KCNC2: variants seen among roughly 807,000 people sequenced by gnomAD.
KCNC2 encodes the protein voltage-gated potassium channel KCNC2.
A neutral mutation model predicts 44.5 loss-of-function variants in KCNC2; 21 were observed. The observed-to-expected ratio is 0.47, with a 90% confidence interval of 0.33 to 0.68. The LOEUF (loss-of-function observed/expected upper bound fraction) is 0.68, where lower values mean the gene tolerates loss of function less well. KCNC2 is among the 30% of genes least tolerant of loss of function. The pLI is 0.01. For synonymous variants in KCNC2, 391 were observed against 339.1 expected, an observed-to-expected ratio of 1.15 and a Z score of -1.68; for missense variants, 589 against 826.2, an observed-to-expected ratio of 0.71 and a Z score of 3.52.
chr12:75,203,759 A>G (rs1447001804), intron 2 of KCNC2, among the ~76,000 whole-genome samples: 1 of 151,930 alleles, frequency 6.6e-6, no homozygotes, highest in Non-Finnish European at 1.5e-5. Flanking sequence ...ATAAGTGAAA[A>G]GAAGAGAAAG....
rs970796236 is a variant in KCNC2 at position 75,207,255 on chromosome 12, G to A, written c.687+42C>T. On this transcript the variant is annotated intron_variant, in intron 2 of 4. Transcript: ENST00000549446. This position sits in a 1 kb window ranked among gnomAD's most constrained non-coding sequence, Gnocchi z 4.1. The stretch of plus-strand genomic sequence containing the variant: ...AACAGAAAGTTGGGGAGGGAGTTGG[G>A]AGAAGTTGAAGCAGCAGGGAAGGGG... 46 of 1,508,894 alleles carry A rather than the reference G, an allele frequency of 3.0e-5. No homozygotes were observed. The highest frequency in any genetic ancestry group is 1.8e-4 in the Middle Eastern group (1 of 5,630). The allele number at this position is 1,508,894 out of a possible 1,614,324, so 93.5% of individuals were successfully genotyped here.
intron 2 of KCNC2, among the ~76,000 whole-genome samples, chr12:75,167,119 C>A (rs1161129998): frequency 2.0e-5 from 3 of 151,112 alleles, no homozygotes; most frequent in African/African-American, 7.3e-5. Flanking sequence ...CAACCTCAAA[C>A]AAACAAAAAG....
At chr12:75,186,053 A>AAATG (rs899757955) in intron 2 of KCNC2, among the ~76,000 whole-genome samples, 10 of 66,692 alleles carry the variant, frequency 1.5e-4, no homozygotes, top group South Asian at 5.6e-4. Flanking sequence ...TCTCAAAAAT[A>AAATG]AATAAATAAA....
intron 2 of KCNC2, among the ~76,000 whole-genome samples, chr12:75,154,902 A>G (rs559313484): frequency 6.6e-6 from 1 of 151,966 alleles, no homozygotes; most frequent in African/African-American, 2.4e-5. Context: ...ACATTTTTGG[A>G]CATTTTGAAA....
At chr12:75,208,062 A>T in intron 1 of KCNC2, 60 bp from the exon 2 acceptor site, 1 of 1,577,820 alleles carries the variant, frequency 6.3e-7, no homozygotes, top group South Asian at 1.1e-5. Context: ...ACACACCATG[A>T]CCCCCACCAC....
At chr12:75,204,124 G>T (rs1593093794) in intron 2 of KCNC2, among the ~76,000 whole-genome samples, 1 of 151,634 alleles carries the variant, frequency 6.6e-6, no homozygotes, top group African/African-American at 2.4e-5. Context: ...CTCCACAACA[G>T]GTTTCCATGA....
chr12:75,059,439 C>T (rs952265495), intron 2 of KCNC2, among the ~76,000 whole-genome samples: 16 of 152,094 alleles, frequency 1.1e-4, no homozygotes, highest in African/African-American at 3.6e-4. Context: ...TCTCTCAACT[C>T]ATTGAATGCA....
chr12:75,092,085 T>C (rs148618931), intron 2 of KCNC2, among the ~76,000 whole-genome samples: 1,961 of 151,702 alleles, frequency 0.013, 47 homozygotes, highest in African/African-American at 0.045. Context: ...AGATGCTTGA[T>C]TGAAATGCAG....
intron 2 of KCNC2, among the ~76,000 whole-genome samples, chr12:75,071,462 T>C (rs1329700348): frequency 1.3e-5 from 2 of 152,230 alleles, no homozygotes; most frequent in Admixed American, 1.3e-4. Context: ...AATGGTTGTG[T>C]ACAGCTTATA....
At chr12:75,150,359 C>G (rs768169543) in intron 2 of KCNC2, among the ~76,000 whole-genome samples, 36 of 151,930 alleles carry the variant, frequency 2.4e-4, no homozygotes, top group Non-Finnish European at 4.6e-4. Flanking sequence ...CACTACCATT[C>G]CTGTAGAAAG....
rs143649864 is a variant in KCNC2 at position 75,150,345 on chromosome 12, A to G, written c.687+56952T>C. Among the ~76,000 whole-genome samples the G allele has an allele frequency of 9.4e-3, 1,424 of 152,018 alleles. 26 individuals are homozygous for G. Among genetic ancestry groups the G allele is most frequent in the African/African-American group, 0.032 (1,337 of 41,558 alleles). ...GTAAGCTTATAGTTCTGTGAAATATATCACACTACCATTCCTGTAGAAAGT... is the reference window on the plus strand; with the variant it reads ...GTAAGCTTATAGTTCTGTGAAATATGTCACACTACCATTCCTGTAGAAAGT... On this transcript the variant is annotated intron_variant, in intron 2 of 4. Transcript: ENST00000549446.
At chr12:75,187,852 A>G (rs2029867791) in intron 2 of KCNC2, among the ~76,000 whole-genome samples, 1 of 152,224 alleles carries the variant, frequency 6.6e-6, no homozygotes, top group African/African-American at 2.4e-5. Flanking sequence ...ATTTCTATAC[A>G]GCACATAAGT....
chr12:75,203,672 A>G (rs1232419156), intron 2 of KCNC2, among the ~76,000 whole-genome samples: 1 of 151,938 alleles, frequency 6.6e-6, no homozygotes, highest in Non-Finnish European at 1.5e-5. Flanking sequence ...AATCAAAGAT[A>G]TGCATAAATC....
intron 2 of KCNC2, among the ~76,000 whole-genome samples, chr12:75,202,428 C>G (rs905581150): frequency 5.3e-5 from 8 of 151,622 alleles, no homozygotes; most frequent in African/African-American, 1.9e-4. Context: ...GCCTTTTGAC[C>G]CTGAAAAGGT....
rs201944231 is a variant in KCNC2, at chr12:75,048,304, G to A, written c.1629C>T (p.Asp543=). ...GTGGCGGCTCACTTCCTGTACTGTC[G>A]TCACCTGATAACACTGGTCACAGCA... ...LEHNRSVLSG[D]DSTGSEPPLS... The change falls in exon 4 of 5, where the codon GAC becomes GAT. Residue 543 remains aspartate (D), a synonymous_variant. Transcript: ENST00000549446. 191 of 1,611,164 alleles carry A rather than the reference G, an allele frequency of 1.2e-4. No individual in the cohort carries two copies. Among genetic ancestry groups the A allele is most frequent in the Middle Eastern group, 1.7e-4 (1 of 6,042 alleles).
intron 2 of KCNC2, among the ~76,000 whole-genome samples, chr12:75,186,326 G>A (rs960964056): frequency 6.6e-6 from 1 of 152,032 alleles, no homozygotes; most frequent in African/African-American, 2.4e-5. Context: ...GATTCATGGA[G>A]CATGCACAAA....
chr12:75,041,330 G>T lies in KCNC2; in HGVS notation c.*1775C>A, dbSNP rs768793447. On this transcript the variant is annotated 3_prime_UTR_variant, in exon 5 of 5. Coordinates refer to ENST00000549446, the MANE Select transcript of KCNC2 (RefSeq NM_139137.4). Reference sequence around the variant, plus strand: ...CACTGTGTCTCTAAATATCATATATGTATGTCTGGATAAATACATTGCTGT... The same window carrying T: ...CACTGTGTCTCTAAATATCATATATTTATGTCTGGATAAATACATTGCTGT... 19 of 1,486,952 alleles carry T rather than the reference G, an allele frequency of 1.3e-5. No individual in the cohort carries two copies. The highest frequency in any genetic ancestry group is 1.7e-5 in the Non-Finnish European group (19 of 1,120,578). The allele number at this position is 1,486,952 out of a possible 1,614,324, so 92.1% of individuals were successfully genotyped here. A position where few individuals can be genotyped will look rare whatever the true frequency, so the allele number is the denominator to read the frequency against.
chr12:75,125,533 C>A (rs1888354798), intron 2 of KCNC2, among the ~76,000 whole-genome samples: 2 of 152,172 alleles, frequency 1.3e-5, no homozygotes, highest in Non-Finnish European at 2.9e-5. Context: ...CTTAACTGCT[C>A]TATTTGCATA....
At chr12:75,185,856 G>T (rs1359253002) in intron 2 of KCNC2, among the ~76,000 whole-genome samples, 1 of 151,948 alleles carries the variant, frequency 6.6e-6, no homozygotes, top group Non-Finnish European at 1.5e-5. Context: ...GACTAGCCTG[G>T]TCAACATGGT....
Sources: allele counts gnomAD v4.1 joint callset (sites outside exome capture counted in the v4.1 genomes callset), GRCh38; gene constraint gnomAD v4.1.1; non-coding constraint Gnocchi (gnomAD v3.1); transcripts MANE v1.5; gene names NCBI Gene and HGNC (gene_info 2026-07-23, HGNC 2026-07-21).